Variants in ATXN10 observed in about 807,000 individuals in gnomAD.
ATXN10 encodes ataxin 10, also known as ataxin-10.
ATXN10 carries 28 observed loss-of-function variants against 52.9 expected under a neutral mutation model. That is an observed-to-expected ratio of 0.53 (90% CI 0.39 to 0.73). The LOEUF is 0.73. Ranked by LOEUF, ATXN10 falls within the 30% of genes least tolerant of loss-of-function variation. ATXN10 has a pLI of 0.00. For synonymous variants in ATXN10, 226 were observed against 221.5 expected (o/e 1.02, Z -0.18); for missense variants, 565 against 577.0 (o/e 0.98, Z 0.21).
In ATXN10 at chr22:45,770,846, C is replaced by G. The variant is rs1292817222; in HGVS notation, c.1173+30308C>G. On this transcript the variant is annotated intron_variant, in intron 9 of 11. Coordinates refer to ENST00000252934, the MANE Select transcript of ATXN10 (RefSeq NM_013236.4). The surrounding 1 kb of genome is among the most constrained non-coding windows in gnomAD (Gnocchi z 4.5). Reference sequence around the variant, plus strand: ...CATTTGGTCCCATGGCCTGGGAATACCCCCAAATTCCCTCCCTGATCCCTG... The same window carrying G: ...CATTTGGTCCCATGGCCTGGGAATAGCCCCAAATTCCCTCCCTGATCCCTG... 6.6e-6 allele frequency among the ~76,000 whole-genome samples: 1 copy of G among 152,182 alleles called. No homozygotes were observed. The highest frequency in any genetic ancestry group is 1.9e-4 in the East Asian group (1 of 5,192).
intron 8 of ATXN10, among the ~76,000 whole-genome samples, chr22:45,739,649 G>A (rs146616211): frequency 9.7e-4 from 147 of 152,272 alleles, no homozygotes; most frequent in Non-Finnish European, 1.7e-3. Context: ...GGGTCGATGT[G>A]GGTTGCCATC....
In ATXN10 at chr22:45,757,027, G is replaced by C. The variant is rs1323781929; in HGVS notation, c.1173+16489G>C. Among the ~76,000 whole-genome samples the C allele has an allele frequency of 6.6e-6, 1 of 152,194 alleles. No homozygotes were observed. The highest frequency in any genetic ancestry group is 1.5e-5 in the Non-Finnish European group (1 of 68,036). The stretch of plus-strand genomic sequence containing the variant: ...AGGAGTGGAGAAGAACCAGACGAGA[G>C]ACACGGTTCCAGATGCTTTCCCAAG... On this transcript the variant is annotated intron_variant, in intron 9 of 11. Transcript: ENST00000252934. The surrounding 1 kb of genome is among the most constrained non-coding windows in gnomAD (Gnocchi z 4.6).
At chr22:45,804,684 T>A (rs1248709324) in intron 9 of ATXN10, among the ~76,000 whole-genome samples, 1 of 152,224 alleles carries the variant, frequency 6.6e-6, no homozygotes, top group African/African-American at 2.4e-5. Flanking sequence ...TATATTTCAT[T>A]AGATTAATTT....
chr22:45,719,216 T>C (rs1030550957), intron 6 of ATXN10, among the ~76,000 whole-genome samples: 42 of 152,278 alleles, frequency 2.8e-4, no homozygotes, highest in Non-Finnish European at 5.0e-4. Context: ...TAACAAAATA[T>C]ATTCAGAAAC....
intron 5 of ATXN10, among the ~76,000 whole-genome samples, chr22:45,707,728 A>C (rs745565236): frequency 4.0e-5 from 6 of 151,886 alleles, no homozygotes; most frequent in Non-Finnish European, 7.4e-5. Flanking sequence ...AAAGGAACAA[A>C]GGATGGATCT....
In ATXN10 at chr22:45,841,894, C is replaced by T. The variant is rs565392969; in HGVS notation, c.1238-1097C>T. Among the ~76,000 whole-genome samples, 11 of 152,308 alleles carry T rather than the reference C, an allele frequency of 7.2e-5. No individual in the cohort carries two copies. Among genetic ancestry groups the T allele is most frequent in the African/African-American group, 2.6e-4 (11 of 41,564 alleles). Reference sequence around the variant, plus strand: ...AAGATCAGAAGACTTGGCTCTTTAGCTCTAGGGTTTGATACCTTGTGGGGA... The same window carrying T: ...AAGATCAGAAGACTTGGCTCTTTAGTTCTAGGGTTTGATACCTTGTGGGGA... On this transcript the variant is annotated intron_variant, in intron 10 of 11. Transcript: ENST00000252934. This position sits in a 1 kb window ranked among gnomAD's most constrained non-coding sequence, Gnocchi z 5.1.
chr22:45,723,141 TTA>T (rs370423058), intron 6 of ATXN10, among the ~76,000 whole-genome samples: 33 of 151,226 alleles, frequency 2.2e-4, no homozygotes, highest in East Asian at 3.9e-4. Flanking sequence ...GTGTGTGTGT[TTA>T]TATATATATA....
In ATXN10 at chr22:45,844,346, G is replaced by C. The variant is rs1300449444; in HGVS notation, c.*675G>C. 1 of 152,980 alleles carries C rather than the reference G, an allele frequency of 6.5e-6. No homozygotes were observed. The highest frequency in any genetic ancestry group is 1.5e-5 in the Non-Finnish European group (1 of 68,658). The allele number at this position is 152,980 out of a possible 1,614,324, so 9.5% of individuals were successfully genotyped here. On this transcript the variant is annotated 3_prime_UTR_variant, in exon 12 of 12. Transcript: ENST00000252934. ...AAGTAGACATCCCAGGACCCATTCT[G>C]TGTCAAGGTGAATGCCTGTGTCCTC...
Position 45,705,834 on chromosome 22 carries a change from C to G in ATXN10, c.647+2987C>G, listed in dbSNP as rs1924018378. Among the ~76,000 whole-genome samples, 1 of 152,092 alleles carries G rather than the reference C, an allele frequency of 6.6e-6. No individual in the cohort carries two copies. Among genetic ancestry groups the G allele is most frequent in the African/African-American group, 2.4e-5 (1 of 41,418 alleles). ...GCCTGTTTGGTCTAGGCCGGGGGTC[C>G]TCCAGCCCCCGACCTGTGGACTGGT... On this transcript the variant is annotated intron_variant, in intron 5 of 11. Coordinates refer to ENST00000252934, the MANE Select transcript of ATXN10 (RefSeq NM_013236.4). The surrounding 1 kb of genome is among the most constrained non-coding windows in gnomAD (Gnocchi z 5.2).
At chr22:45,752,559 TTGGGGTTGGGGCTGGGGC>T (rs1926017730) in intron 9 of ATXN10, among the ~76,000 whole-genome samples, 1 of 69,822 alleles carries the variant, frequency 1.4e-5, no homozygotes, top group Non-Finnish European at 2.7e-5. Flanking sequence ...GGGGTTGGGG[TTGGGGTTGGGGCTGGGGC>T]TGGGGCTGGG....
chr22:45,807,089 G>A, intron 10 of ATXN10, 67 bp downstream of exon 10: 1 of 1,299,552 alleles, frequency 7.7e-7, no homozygotes, highest in East Asian at 2.3e-5. Context: ...CAAGTCCCTT[G>A]CCTCATGTTC....
Position 45,816,040 on chromosome 22 carries a change from A to T in ATXN10, c.1237+9018A>T, listed in dbSNP as rs983833433. Among the ~76,000 whole-genome samples, 1 of 152,128 alleles carries T rather than the reference A, an allele frequency of 6.6e-6. No homozygotes were observed. Among genetic ancestry groups the T allele is most frequent in the Non-Finnish European group, 1.5e-5 (1 of 68,020 alleles). On this transcript the variant is annotated intron_variant, in intron 10 of 11. Transcript: ENST00000252934. This position sits in a 1 kb window ranked among gnomAD's most constrained non-coding sequence, Gnocchi z 5.8. The stretch of plus-strand genomic sequence containing the variant: ...TGAGGTGTGTGCATCACTTGAGGTC[A>T]GGAGTTTGAGACCAGCCTAGTCAAC...
In ATXN10 at chr22:45,825,317, C is replaced by G. The variant is rs1377619997; in HGVS notation, c.1238-17674C>G. Among the ~76,000 whole-genome samples the G allele has an allele frequency of 6.6e-6, 1 of 152,196 alleles. No homozygotes were observed. The highest frequency in any genetic ancestry group is 1.5e-5 in the Non-Finnish European group (1 of 68,028). ...TAAAAGGCCAGCACCCTTTTTCCCT[C>G]TTCCCTTTATTTTTCTTTTGCATCT... On this transcript the variant is annotated intron_variant, in intron 10 of 11. Transcript: ENST00000252934. The surrounding 1 kb of genome is among the most constrained non-coding windows in gnomAD (Gnocchi z 4.5).
Position 45,789,723 on chromosome 22 carries a change from G to A in ATXN10, c.1174-17236G>A, listed in dbSNP as rs1479884780. On this transcript the variant is annotated intron_variant, in intron 9 of 11. Transcript: ENST00000252934. This position sits in a 1 kb window ranked among gnomAD's most constrained non-coding sequence, Gnocchi z 4.0. ...GTTGGGCTTTAGCTTTGGCCGTTAG[G>A]GATGTAGGAGTGTGTCCTTCCTTTG... 3.9e-5 allele frequency among the ~76,000 whole-genome samples: 6 copies of A among 152,178 alleles called. No homozygotes were observed. The highest frequency in any genetic ancestry group is 3.9e-4 in the Admixed American group (6 of 15,284).
At chr22:45,814,830 T>C (rs1928403493) in intron 10 of ATXN10, among the ~76,000 whole-genome samples, 1 of 152,168 alleles carries the variant, frequency 6.6e-6, no homozygotes, top group Non-Finnish European at 1.5e-5. Flanking sequence ...TAGATTCTCA[T>C]AGGAGCGTGA....
intron 10 of ATXN10, among the ~76,000 whole-genome samples, chr22:45,834,404 G>C (rs1929096873): frequency 6.6e-6 from 1 of 152,150 alleles, no homozygotes; most frequent in Non-Finnish European, 1.5e-5. Flanking sequence ...GACCTCCCCT[G>C]CCACCATCTG....
rs532773286 is a variant in ATXN10 at position 45,721,899 on chromosome 22, A to T, written c.728+3406A>T. Among the ~76,000 whole-genome samples the T allele has an allele frequency of 7.2e-5, 11 of 152,224 alleles. No individual in the cohort carries two copies. In the South Asian group the frequency reaches 2.3e-3, roughly 32 times the overall value. On this transcript the variant is annotated intron_variant, in intron 6 of 11. Transcript: ENST00000252934. ...CACTGCACTCCAGCCTGGGCAACAG[A>T]GCGAGACTCTGTCACATGAAAAAAC...
At position 45,758,927 on chromosome 22, in the gene ATXN10, A is replaced by T. The variant is rs183576164; in HGVS notation, c.1173+18389A>T. Among the ~76,000 whole-genome samples the T allele has an allele frequency of 4.6e-5, 7 of 152,352 alleles. No individual in the cohort carries two copies. The East Asian group carries it at 1.2e-3, about 25-fold the overall frequency. On this transcript the variant is annotated intron_variant, in intron 9 of 11. Coordinates refer to ENST00000252934, the MANE Select transcript of ATXN10 (RefSeq NM_013236.4). ...CATGGCTTTTATGGAGTCATAAATC[A>T]TGACAGTAGGAGTCATACCTCTCCA...
intron 9 of ATXN10, among the ~76,000 whole-genome samples, chr22:45,752,299 T>G (rs1274456013): frequency 1.3e-5 from 2 of 152,136 alleles, no homozygotes; most frequent in Non-Finnish European, 2.9e-5. Flanking sequence ...AGGAGACAGA[T>G]GTAGAAACTA....
Sources: allele counts gnomAD v4.1 joint callset (sites outside exome capture counted in the v4.1 genomes callset), GRCh38; gene constraint gnomAD v4.1.1; non-coding constraint Gnocchi (gnomAD v3.1); transcripts MANE v1.5; gene names NCBI Gene and HGNC (gene_info 2026-07-23, HGNC 2026-07-21).